Variants in OPCML observed in about 807,000 individuals in gnomAD.
OPCML encodes opioid-binding protein/cell adhesion molecule.
In OPCML, 13 loss-of-function variants were observed where a neutral mutation model predicts 37.8. The observed-to-expected ratio is 0.34, with a 90% confidence interval of 0.22 to 0.55. The LOEUF (loss-of-function observed/expected upper bound fraction) is 0.55, where lower values mean the gene tolerates loss of function less well. OPCML is among the 20% of genes least tolerant of loss of function. OPCML has a pLI of 0.91. For missense variants in OPCML, 341 were observed against 435.6 expected (o/e 0.78, Z 1.93); for synonymous variants, 176 against 168.8 (o/e 1.04, Z -0.33).
chr11:132,511,224 A>G (rs573208274), intron 4 of OPCML, among the ~76,000 whole-genome samples: 621 of 152,258 alleles, frequency 4.1e-3, no homozygotes, highest in Non-Finnish European at 7.1e-3. Context: ...AAAATATGAC[A>G]TAATTTGGAA....
At chr11:133,203,435 G>T (rs942591779) in intron 1 of OPCML, among the ~76,000 whole-genome samples, 1 of 152,116 alleles carries the variant, frequency 6.6e-6, no homozygotes, top group Admixed American at 6.5e-5. Flanking sequence ...GAGTATCTTC[G>T]CCTCTCAGGT....
chr11:133,134,075 A>G (rs1320362583), intron 1 of OPCML, among the ~76,000 whole-genome samples: 1 of 151,898 alleles, frequency 6.6e-6, no homozygotes, highest in Non-Finnish European at 1.5e-5. Flanking sequence ...CATAATGAAA[A>G]CCTCAGCCTG....
chr11:133,343,409 A>G (rs964902886), intron 1 of OPCML, among the ~76,000 whole-genome samples: 3 of 152,206 alleles, frequency 2.0e-5, no homozygotes, highest in East Asian at 1.9e-4. Flanking sequence ...AATTAAAGCA[A>G]TGGAAATCAA....
chr11:133,357,961 C>T (rs2136708492), intron 1 of OPCML, among the ~76,000 whole-genome samples: 1 of 152,286 alleles, frequency 6.6e-6, no homozygotes, highest in Non-Finnish European at 1.5e-5. Flanking sequence ...GCACCCATGA[C>T]TTCCCTTCCT....
At chr11:132,497,315 A>G (rs568546861) in intron 4 of OPCML, among the ~76,000 whole-genome samples, 1 of 151,282 alleles carries the variant, frequency 6.6e-6, no homozygotes, top group East Asian at 2.0e-4. Flanking sequence ...TACTGAGGTG[A>G]TGGGATGATC....
intron 3 of OPCML, among the ~76,000 whole-genome samples, chr11:132,586,626 G>T (rs4636683): frequency 6.6e-6 from 1 of 152,156 alleles, no homozygotes; most frequent in Non-Finnish European, 1.5e-5. Flanking sequence ...GCTTTCTGAC[G>T]TATTCCAAAG....
chr11:132,675,187 A>G lies in OPCML; in HGVS notation c.147-17868T>C, dbSNP rs867420246. 3.7e-3 allele frequency among the ~76,000 whole-genome samples: 538 copies of G among 143,774 alleles called. 3 individuals are homozygous for G. Among genetic ancestry groups the G allele is most frequent in the East Asian group, 0.015 (77 of 5,102 alleles). The allele number at this position is 143,774 out of a possible 152,430, so 94.3% of individuals were successfully genotyped here. Reference sequence around the variant, plus strand: ...TGTGTGTGTGTGTGTGTGTGTATATATATATATATATAACTTTACATATAT... The same window carrying G: ...TGTGTGTGTGTGTGTGTGTGTATATGTATATATATATAACTTTACATATAT... On this transcript the variant is annotated intron_variant, in intron 2 of 7. Coordinates refer to ENST00000524381, the MANE Select transcript of OPCML (RefSeq NM_001012393.5).
chr11:132,998,510 A>G (rs1056242960), intron 1 of OPCML, among the ~76,000 whole-genome samples: 1 of 152,144 alleles, frequency 6.6e-6, no homozygotes, highest in Non-Finnish European at 1.5e-5. Flanking sequence ...CATCTTTGTC[A>G]GTTTTCATAG....
intron 1 of OPCML, among the ~76,000 whole-genome samples, chr11:133,033,221 G>T (rs1157800057): frequency 6.6e-6 from 1 of 152,116 alleles, no homozygotes; most frequent in African/African-American, 2.4e-5. Context: ...ATTCACACAA[G>T]GCATTCTATT....
At chr11:133,318,563 G>T (rs1271510698) in intron 1 of OPCML, among the ~76,000 whole-genome samples, 2 of 152,114 alleles carry the variant, frequency 1.3e-5, no homozygotes, top group Non-Finnish European at 2.9e-5. Flanking sequence ...TTGGAATTGA[G>T]CCAGTTCTAC....
chr11:133,075,277 C>G (rs566350903), intron 1 of OPCML, among the ~76,000 whole-genome samples: 86 of 152,300 alleles, frequency 5.6e-4, no homozygotes, highest in African/African-American at 2.0e-3. Context: ...GCTCACCAGC[C>G]TTTCATTCAT....
chr11:132,525,509 A>G (rs1397991441), intron 4 of OPCML, among the ~76,000 whole-genome samples: 1 of 152,196 alleles, frequency 6.6e-6, no homozygotes, highest in Non-Finnish European at 1.5e-5. Flanking sequence ...TTATTCTTCC[A>G]TGTTGAATCC....
rs2095936807 is a variant in OPCML at position 132,415,834 on chromosome 11, C to T, written c.*4359G>A. 1 of 152,554 alleles carries T rather than the reference C, an allele frequency of 6.6e-6. No individual in the cohort carries two copies. The highest frequency in any genetic ancestry group is 1.5e-5 in the Non-Finnish European group (1 of 68,026). The allele number at this position is 152,554 out of a possible 1,614,324, so 9.5% of individuals were successfully genotyped here. On this transcript the variant is annotated 3_prime_UTR_variant, in exon 8 of 8. Transcript: ENST00000524381. ...TTTCTTCTTCCTTTCATTTACTTCT[C>T]TTCTCTTAAGTAAGAAATGTGGGAA... is the stretch of plus-strand genomic sequence containing the variant.
intron 2 of OPCML, among the ~76,000 whole-genome samples, chr11:132,752,467 G>A (rs911946689): frequency 7.2e-5 from 11 of 152,066 alleles, no homozygotes; most frequent in Non-Finnish European, 1.0e-4. Context: ...TATTTACACT[G>A]TAAATTGTTT....
chr11:133,084,682 C>T (rs1416785957), intron 1 of OPCML, among the ~76,000 whole-genome samples: 1 of 152,186 alleles, frequency 6.6e-6, no homozygotes, highest in African/African-American at 2.4e-5. Context: ...GCCCCAAGCC[C>T]AGCTCTCTTG....
chr11:132,899,633 T>A (rs1371599526), intron 2 of OPCML, among the ~76,000 whole-genome samples: 2 of 152,072 alleles, frequency 1.3e-5, no homozygotes, highest in Admixed American at 6.5e-5. Flanking sequence ...TAGGTGTCAA[T>A]TTGACTGGAT....
chr11:132,456,864 G>A (rs1051272490), intron 4 of OPCML, among the ~76,000 whole-genome samples: 1 of 152,210 alleles, frequency 6.6e-6, no homozygotes, highest in Non-Finnish European at 1.5e-5. Context: ...TTAAACGAAA[G>A]CTTATTAATC....
At chr11:132,563,809 CA>C (rs1200814655) in intron 3 of OPCML, among the ~76,000 whole-genome samples, 7 of 81,804 alleles carry the variant, frequency 8.6e-5, no homozygotes, top group Non-Finnish European at 1.2e-4. Context: ...ACAACAACAA[CA>C]AAAAAACAGA....
At chr11:132,655,059 A>G (rs916451455) in intron 3 of OPCML, among the ~76,000 whole-genome samples, 5 of 152,186 alleles carry the variant, frequency 3.3e-5, no homozygotes, top group Admixed American at 3.3e-4. Flanking sequence ...TGTTATGGAG[A>G]ACATCCTTCT....
Sources: allele counts gnomAD v4.1 joint callset (sites outside exome capture counted in the v4.1 genomes callset), GRCh38; gene constraint gnomAD v4.1.1; transcripts MANE v1.5; gene names NCBI Gene and HGNC (gene_info 2026-07-23, HGNC 2026-07-21).